The following BANP variants were observed in gnomAD, a reference collection of about 807,000 sequenced individuals.
BANP encodes the protein BTG3 associated nuclear protein, also known as protein BANP.
Under a neutral mutation model 68.1 loss-of-function variants are expected in BANP, and 11 were observed. The ratio of observed to expected loss-of-function variants is 0.16; its 90% CI spans 0.10 to 0.27. The LOEUF (loss-of-function observed/expected upper bound fraction) is 0.27, where lower values mean the gene tolerates loss of function less well. BANP is among the 10% of genes least tolerant of loss of function. The probability of loss-of-function intolerance (pLI) is 1.00; values close to 1 mark genes in which losing one functional copy is unlikely to be tolerated. For missense variants in BANP, 504 were observed against 722.7 expected (o/e 0.70, Z 3.47); for synonymous variants, 329 against 303.2 (o/e 1.09, Z -0.88).
intron 11 of BANP, among the ~76,000 whole-genome samples, chr16:88,046,429 G>T (rs2082040338): frequency 6.6e-6 from 1 of 152,240 alleles, no homozygotes; most frequent in Non-Finnish European, 1.5e-5. Flanking sequence ...GTTTGGTAAA[G>T]AAATACTCAG....
chr16:88,008,860 AG>A, intron 6 of BANP, among the ~76,000 whole-genome samples: 1 of 152,182 alleles, frequency 6.6e-6, no homozygotes, highest in Non-Finnish European at 1.5e-5. Flanking sequence ...ATTTTGAAGG[AG>A]AGGTCATCAT....
intron 7 of BANP, among the ~76,000 whole-genome samples, chr16:88,023,348 C>T (rs553413631): frequency 1.4e-4 from 21 of 152,268 alleles, no homozygotes; most frequent in Admixed American, 1.4e-3. Context: ...AGTGAGTCAG[C>T]AGGCTTGAAG....
In BANP at chr16:88,071,118, GGGGCACCCTGCGAC is replaced by G. The variant is rs1235963778; in HGVS notation, c.1378-946_1378-933del. 1 of 281,708 alleles carries G rather than the reference GGGGCACCCTGCGAC, an allele frequency of 3.5e-6. No individual in the cohort carries two copies. Among genetic ancestry groups the G allele is most frequent in the African/African-American group, 2.3e-5 (1 of 44,382 alleles). 17.5% of individuals were successfully genotyped at this position (281,708 alleles called of 1,614,324 possible). On this transcript the variant is annotated intron_variant, in intron 12 of 13. Coordinates refer to ENST00000682872, the MANE Select transcript of BANP (RefSeq NM_001386991.1). The surrounding 1 kb of genome is among the most constrained non-coding windows in gnomAD (Gnocchi z 6.5). ...ATGCTGCGGCCAGGCTCCGTGGGGT[GGGGCACCCTGCGAC>G]GGGCTGCTCCTCTTCCCAGGGCCAC...
At position 88,057,760 on chromosome 16, in the gene BANP, G is replaced by A. The variant is rs1271579542; in HGVS notation, c.1312-7507G>A. The stretch of plus-strand genomic sequence containing the variant: ...CGGGGCCATCTGGGTGGGGCGGGGG[G>A]GGGGGTGCGTGCAGTGACTCGCGCT... On this transcript the variant is annotated intron_variant, in intron 11 of 13. Coordinates refer to ENST00000682872, the MANE Select transcript of BANP (RefSeq NM_001386991.1). The surrounding 1 kb of genome is among the most constrained non-coding windows in gnomAD (Gnocchi z 4.6). Among the ~76,000 whole-genome samples the A allele has an allele frequency of 1.4e-5, 2 of 146,484 alleles. No individual in the cohort carries two copies. Among genetic ancestry groups the A allele is most frequent in the African/African-American group, 2.5e-5 (1 of 39,546 alleles).
chr16:88,062,339 G>A (rs563175429), intron 11 of BANP, among the ~76,000 whole-genome samples: 1 of 152,196 alleles, frequency 6.6e-6, no homozygotes, highest in Non-Finnish European at 1.5e-5. Flanking sequence ...ATCTCAGTTG[G>A]ACATTACACA....
Position 88,036,196 on chromosome 16 carries a change from A to G in BANP, c.1272+802A>G, listed in dbSNP as rs549893773. Among the ~76,000 whole-genome samples the G allele has an allele frequency of 6.6e-6, 1 of 152,278 alleles. No homozygotes were observed. Among genetic ancestry groups the G allele is most frequent in the African/African-American group, 2.4e-5 (1 of 41,542 alleles). The stretch of plus-strand genomic sequence containing the variant: ...CAGTGACCGTGGTGCGCTCTGGGGG[A>G]TGAGGAACATGGCTGTTTCTAGGTC... On this transcript the variant is annotated intron_variant, in intron 10 of 13. Transcript: ENST00000682872. This position sits in a 1 kb window ranked among gnomAD's most constrained non-coding sequence, Gnocchi z 4.2.
At position 88,002,730 on chromosome 16, in the gene BANP, T is replaced by TA. The variant is rs1567718020; in HGVS notation, c.363-1564dup. Among the ~76,000 whole-genome samples, 1 of 152,134 alleles carries TA rather than the reference T, an allele frequency of 6.6e-6. No individual in the cohort carries two copies. Among genetic ancestry groups the TA allele is most frequent in the Non-Finnish European group, 1.5e-5 (1 of 68,026 alleles). The stretch of plus-strand genomic sequence containing the variant: ...TAAGGATCTTCAAGGAAAAAAAAGG[T>TA]ATATTTGGTCAAATGACCTTGCCAA... On this transcript the variant is annotated intron_variant, in intron 4 of 13. Transcript: ENST00000682872. This position sits in a 1 kb window ranked among gnomAD's most constrained non-coding sequence, Gnocchi z 4.6.
chr16:88,048,506 C>T (rs1239224468), intron 11 of BANP, among the ~76,000 whole-genome samples: 2 of 151,800 alleles, frequency 1.3e-5, no homozygotes, highest in East Asian at 3.9e-4. Flanking sequence ...AGTCGGCGCT[C>T]ACCACGGATT....
At chr16:88,070,883 C>T (rs117621560) in intron 12 of BANP, among the ~76,000 whole-genome samples, 75 of 152,354 alleles carry the variant, frequency 4.9e-4, no homozygotes, top group Non-Finnish European at 7.2e-4. Flanking sequence ...AATTATACTT[C>T]GTATCTTTAA....
intron 7 of BANP, among the ~76,000 whole-genome samples, chr16:88,022,193 A>G (rs1022724727): frequency 2.0e-5 from 3 of 152,222 alleles, no homozygotes; most frequent in African/African-American, 7.2e-5. Flanking sequence ...TGTTTTCTCT[A>G]TGAAGAGAAA....
chr16:88,019,694 G>A (rs1253975362), intron 7 of BANP, among the ~76,000 whole-genome samples: 4 of 117,286 alleles, frequency 3.4e-5, no homozygotes, highest in Non-Finnish European at 5.4e-5. Flanking sequence ...GGGCGTCCGG[G>A]ATCTCAGCGT....
chr16:88,006,941 C>G (rs1227764557), intron 6 of BANP, among the ~76,000 whole-genome samples: 4 of 101,780 alleles, frequency 3.9e-5, no homozygotes, highest in Non-Finnish European at 8.0e-5. Flanking sequence ...GTCAGAGACT[C>G]TGTCTCAAAA....
chr16:88,038,689 C>T (rs145431260), intron 11 of BANP, among the ~76,000 whole-genome samples: 198 of 152,216 alleles, frequency 1.3e-3, no homozygotes, highest in Non-Finnish European at 1.9e-3. Flanking sequence ...TGACGTGCTC[C>T]GACGGTGCGG....
At chr16:88,044,937 G>A (rs367552124) in intron 11 of BANP, among the ~76,000 whole-genome samples, 34 of 152,042 alleles carry the variant, frequency 2.2e-4, no homozygotes, top group Middle Eastern at 3.4e-3. Context: ...AGCTGAGATC[G>A]CGCCACTGCA....
chr16:87,995,711 G>A (rs534981344), intron 4 of BANP, among the ~76,000 whole-genome samples: 1 of 152,222 alleles, frequency 6.6e-6, no homozygotes, highest in East Asian at 1.9e-4. Flanking sequence ...TATCCTGATG[G>A]AGTTCCTCCT....
chr16:87,984,256 G>A lies in BANP; in HGVS notation c.359G>A (p.Arg120Gln), dbSNP rs1471432918. 4 of 1,579,940 alleles carry A rather than the reference G, an allele frequency of 2.5e-6. No homozygotes were observed. The highest frequency in any genetic ancestry group is 3.4e-6 in the Non-Finnish European group (4 of 1,161,818). The stretch of plus-strand genomic sequence containing the variant: ...GCAACCCAGACGTGCAACAAAGTGC[G>A]ATGGTAAGAACAGACCAGGGTGCCG... ...LGATQTCNKV[R>Q]CVVPQTTVIL... The change falls in exon 4 of 14, where the codon CGA (arginine) becomes CAA (glutamine). Residue 120 changes from arginine to glutamine, a missense_variant. Transcript: ENST00000682872.
At chr16:87,978,745 C>G in intron 2 of BANP, 2 of 444,412 alleles carry the variant, frequency 4.5e-6, no homozygotes, top group South Asian at 3.2e-5. Flanking sequence ...CAGTGTGTCA[C>G]AGGTGCTGAT....
rs533680059 is a variant in BANP, at chr16:88,063,295, G to A, written c.1312-1972G>A. 2.2e-3 allele frequency among the ~76,000 whole-genome samples: 331 copies of A among 152,352 alleles called. 2 individuals carry two copies. The highest frequency in any genetic ancestry group is 0.012 in the Admixed American group (190 of 15,308). On this transcript the variant is annotated intron_variant, in intron 11 of 13. Transcript: ENST00000682872. ...AGCCCTCCCCTCCCCTCCCCGGTGT[G>A]GATGCTTTCTGCCCTGGCCTGGGAG...
At chr16:87,953,575 C>G (rs1470933493) in intron 1 of BANP, among the ~76,000 whole-genome samples, 1 of 152,124 alleles carries the variant, frequency 6.6e-6, no homozygotes, top group Non-Finnish European at 1.5e-5. Context: ...CTGTCATATC[C>G]CAACTCTTCT....
Sources: gnomAD v4.1 joint callset for allele counts (sites outside exome capture counted in the v4.1 genomes callset) on GRCh38, gnomAD v4.1.1 for gene constraint, Gnocchi (gnomAD v3.1) non-coding constraint, MANE v1.5 for transcripts, NCBI Gene and HGNC (gene_info 2026-07-23, HGNC 2026-07-21) for gene names.